PCDHA9: variants seen among roughly 807,000 people sequenced by gnomAD.
PCDHA9 encodes protocadherin alpha-9.
PCDHA9 carries 62 observed loss-of-function variants against 62.0 expected under a neutral mutation model. The observed-to-expected ratio is 1.00, with a 90% CI of 0.81 to 1.23. The LOEUF is 1.23. PCDHA9 is among the 50% of genes most tolerant of loss of function. The probability of loss-of-function intolerance (pLI) is 0.00; values close to 1 mark genes in which losing one functional copy is unlikely to be tolerated. For synonymous variants in PCDHA9, 557 were observed against 567.6 expected (o/e 0.98, Z 0.27); for missense variants, 1,205 against 1,249.8 (o/e 0.96, Z 0.54).
At chr5:140,858,132 A>G (rs781998170) in intron 1 of PCDHA9, 3 of 1,597,528 alleles carry the variant, frequency 1.9e-6, no homozygotes, top group Non-Finnish European at 2.6e-6. Context: ...GTGGATGTCA[A>G]CGTGTACCTG....
intron 1 of PCDHA9, among the ~76,000 whole-genome samples, chr5:140,957,275 C>T (rs1203444899): frequency 6.6e-6 from 1 of 152,158 alleles, no homozygotes; most frequent in African/African-American, 2.4e-5. Flanking sequence ...CTAGTCCCCC[C>T]TTACCTGCAG....
chr5:140,859,125 T>C (rs2045735975), intron 1 of PCDHA9: 1 of 150,194 alleles, frequency 6.7e-6, no homozygotes, highest in East Asian at 1.9e-4. Flanking sequence ...TATGTTTCTT[T>C]TATTTACATA....
intron 1 of PCDHA9, chr5:140,853,410 G>A (rs1291135105): frequency 1.0e-6 from 1 of 986,108 alleles, no homozygotes; most frequent in African/African-American, 1.8e-5. Context: ...AAACAGAGAG[G>A]TGAAAGCAGA....
chr5:140,962,245 T>C (rs2095666561), intron 1 of PCDHA9, among the ~76,000 whole-genome samples: 1 of 152,170 alleles, frequency 6.6e-6, no homozygotes, highest in Non-Finnish European at 1.5e-5. Context: ...ACCATTTTCT[T>C]CAATGAAAAA....
chr5:140,947,131 G>A (rs994081159), intron 1 of PCDHA9, among the ~76,000 whole-genome samples: 10 of 151,080 alleles, frequency 6.6e-5, no homozygotes, highest in African/African-American at 2.2e-4. Context: ...AATAAAAATA[G>A]TAAAATGTAT....
At chr5:140,881,336 G>A in intron 1 of PCDHA9, 1 of 985,066 alleles carries the variant, frequency 1.0e-6, no homozygotes, top group Non-Finnish European at 1.2e-6. Context: ...CCAGGACGCC[G>A]ATTCGGGCTA....
At chr5:140,867,350 T>C (rs1357404505) in intron 1 of PCDHA9, 1 of 152,128 alleles carries the variant, frequency 6.6e-6, no homozygotes, top group African/African-American at 2.4e-5. Flanking sequence ...GCTACTATGA[T>C]TGATTATTTT....
chr5:140,982,035 A>G (rs950479755), intron 2 of PCDHA9, among the ~76,000 whole-genome samples: 2 of 152,280 alleles, frequency 1.3e-5, no homozygotes, highest in Admixed American at 1.3e-4. Context: ...CAATACTCCA[A>G]TTATCAGAAA....
intron 1 of PCDHA9, chr5:140,883,037 A>C: frequency 6.2e-7 from 1 of 1,614,166 alleles, no homozygotes; most frequent in Non-Finnish European, 8.5e-7. Flanking sequence ...GAACGCCTTC[A>C]ATGGAACATT....
intron 1 of PCDHA9, among the ~76,000 whole-genome samples, chr5:140,902,641 G>T (rs2069615645): frequency 6.6e-6 from 1 of 152,080 alleles, no homozygotes; most frequent in Non-Finnish European, 1.5e-5. Context: ...TGATTTCTGA[G>T]ATTTTGGTGC....
intron 1 of PCDHA9, chr5:140,875,549 T>G: frequency 1.2e-6 from 2 of 1,613,916 alleles, no homozygotes; most frequent in Non-Finnish European, 1.7e-6. Flanking sequence ...GCCTGGGAGG[T>G]GGGGAGCGGC....
At chr5:140,932,124 A>G (rs2088056676) in intron 1 of PCDHA9, among the ~76,000 whole-genome samples, 1 of 151,956 alleles carries the variant, frequency 6.6e-6, no homozygotes, top group Admixed American at 6.5e-5. Flanking sequence ...GATAATATTT[A>G]AGATATAAAC....
At chr5:140,863,299 G>A (rs868935823) in intron 1 of PCDHA9, 1 of 1,462,780 alleles carries the variant, frequency 6.8e-7, no homozygotes, top group Admixed American at 1.8e-5. Context: ...CCTGATCATC[G>A]CCATCTGCGT....
At chr5:140,875,979 C>T in intron 1 of PCDHA9, 5 of 1,613,984 alleles carry the variant, frequency 3.1e-6, no homozygotes, top group Non-Finnish European at 4.2e-6. Context: ...CTCTTTTGAC[C>T]TATGCGTTAA....
In PCDHA9 at chr5:140,970,874, G is replaced by A. The variant is rs191123160; in HGVS notation, c.2395-8075G>A. On this transcript the variant is annotated intron_variant, in intron 1 of 3. Coordinates refer to ENST00000532602, the MANE Select transcript of PCDHA9 (RefSeq NM_031857.2). ...AAAGTTCCATTCCTGATTGAGAGTA[G>A]ATTTTTCTCATGGACATTTCAGATA... Among the ~76,000 whole-genome samples the A allele has an allele frequency of 1.6e-4, 24 of 152,250 alleles. No individual in the cohort carries two copies. The East Asian group carries it at 2.7e-3, about 17-fold the overall frequency.
chr5:140,851,937 T>A, intron 1 of PCDHA9: 1 of 965,138 alleles, frequency 1.0e-6, no homozygotes, highest in Non-Finnish European at 1.3e-6. Context: ...TGAATTGTAG[T>A]ATGTGACTTT....
At position 140,851,914 on chromosome 5, in the gene PCDHA9, A is replaced by G. The variant is rs1213624827; in HGVS notation, c.2394+1025A>G. 6 of 969,578 alleles carry G rather than the reference A, an allele frequency of 6.2e-6. No individual in the cohort carries two copies. The African/African-American group carries it at 7.1e-5, about 11-fold the overall frequency. 60.1% of individuals were successfully genotyped at this position (969,578 alleles called of 1,614,324 possible). On this transcript the variant is annotated intron_variant, in intron 1 of 3. Coordinates refer to ENST00000532602, the MANE Select transcript of PCDHA9 (RefSeq NM_031857.2). ...AGATTTGCCTCTTTAATGTCACTAC[A>G]TGTTATGTTTCCTGAATTGTAGTAT... is the stretch of plus-strand genomic sequence containing the variant.
intron 3 of PCDHA9, among the ~76,000 whole-genome samples, chr5:140,992,128 G>GACTGATGAT (rs2097493639): frequency 6.6e-6 from 1 of 151,816 alleles, no homozygotes; most frequent in Non-Finnish European, 1.5e-5. Context: ...GAAGAACAGT[G>GACTGATGAT]ACTGATGATG....
chr5:140,877,699 A>G (rs1554169995), intron 1 of PCDHA9: 2 of 1,613,896 alleles, frequency 1.2e-6, no homozygotes, highest in Middle Eastern at 1.7e-4. Flanking sequence ...GGTGTGCTCC[A>G]GCGCCGTGGG....
Sources: gnomAD v4.1 joint callset for allele counts (sites outside exome capture counted in the v4.1 genomes callset) on GRCh38, gnomAD v4.1.1 for gene constraint, MANE v1.5 for transcripts, NCBI Gene and HGNC (gene_info 2026-07-23, HGNC 2026-07-21) for gene names.